Variants in CADPS observed in about 807,000 individuals in gnomAD.
CADPS encodes the protein calcium dependent secretion activator, also known as calcium-dependent secretion activator 1.
Under a neutral mutation model 167.3 loss-of-function variants are expected in CADPS, and 57 were observed. The observed-to-expected ratio is 0.34, with a 90% CI of 0.28 to 0.42. CADPS has a LOEUF of 0.42. Among genes scored for constraint, CADPS ranks in the 20% least tolerant of loss-of-function variants. The pLI is 1.00. For synonymous variants in CADPS, 676 were observed against 635.3 expected (o/e 1.06, Z -0.96); for missense variants, 1,414 against 1,738.1 (o/e 0.81, Z 3.32).
intron 28 of CADPS, among the ~76,000 whole-genome samples, chr3:62,436,860 A>C (rs1400383460): frequency 1.3e-5 from 2 of 151,952 alleles, no homozygotes; most frequent in Non-Finnish European, 2.9e-5. Flanking sequence ...ACGATTGGAA[A>C]AGAAAAGAAA....
At chr3:62,633,720 A>T (rs1191862423) in intron 6 of CADPS, among the ~76,000 whole-genome samples, 2 of 152,026 alleles carry the variant, frequency 1.3e-5, no homozygotes, top group East Asian at 3.9e-4. Flanking sequence ...TCACCACCCT[A>T]CATCTTTGCT....
intron 28 of CADPS, among the ~76,000 whole-genome samples, chr3:62,408,657 A>T (rs550330368): frequency 6.6e-6 from 1 of 152,336 alleles, no homozygotes; most frequent in East Asian, 1.9e-4. Context: ...ACTCTCATTT[A>T]CATGAGTCTT....
chr3:62,712,040 G>C (rs142515132), intron 3 of CADPS, among the ~76,000 whole-genome samples: 6 of 152,144 alleles, frequency 3.9e-5, no homozygotes, highest in African/African-American at 1.4e-4. Context: ...TATTTCAGGA[G>C]ATATATACAC....
At chr3:62,490,891 T>A (rs1164765950) in intron 21 of CADPS, among the ~76,000 whole-genome samples, 1 of 152,188 alleles carries the variant, frequency 6.6e-6, no homozygotes, top group African/African-American at 2.4e-5. Context: ...AGAGTTGAGT[T>A]GTGACAGAGA....
intron 6 of CADPS, among the ~76,000 whole-genome samples, chr3:62,608,889 C>T (rs12492860): frequency 0.26 from 39,287 of 152,030 alleles, 5,372 homozygotes; most frequent in East Asian, 0.53. Context: ...TGTACGCCTC[C>T]TTCCAACAAA....
chr3:62,590,520 T>G (rs554883255), intron 7 of CADPS, among the ~76,000 whole-genome samples: 1 of 152,168 alleles, frequency 6.6e-6, no homozygotes, highest in Non-Finnish European at 1.5e-5. Context: ...AGGGACACTG[T>G]TTTTTTGTTT....
In CADPS at chr3:62,601,549, T is replaced by TG. The variant is rs531657115; in HGVS notation, c.1326-8802dup. On this transcript the variant is annotated intron_variant, in intron 6 of 29. Coordinates refer to ENST00000383710, the MANE Select transcript of CADPS (RefSeq NM_003716.4). This position sits in a 1 kb window ranked among gnomAD's most constrained non-coding sequence, Gnocchi z 4.3. ...GCACTCACAAAGACAGCTGACCCCA[T>TG]GGGGATCCAATTTGCTGCTCTAAAT... is the stretch of plus-strand genomic sequence containing the variant. Among the ~76,000 whole-genome samples the TG allele has an allele frequency of 2.6e-5, 4 of 152,124 alleles. No individual in the cohort carries two copies. The highest frequency in any genetic ancestry group is 5.9e-5 in the Non-Finnish European group (4 of 68,008).
At chr3:62,693,031 T>C (rs78493694) in intron 3 of CADPS, among the ~76,000 whole-genome samples, 6,283 of 79,624 alleles carry the variant, frequency 0.079, 170 homozygotes, top group East Asian at 0.33. Context: ...GTTTACCAAT[T>C]TCTTGGCCAT....
intron 10 of CADPS, among the ~76,000 whole-genome samples, chr3:62,556,510 T>C (rs2078171862): frequency 6.6e-6 from 1 of 152,194 alleles, no homozygotes; most frequent in African/African-American, 2.4e-5. Context: ...AAAAAAGGTT[T>C]TGGGCCAAAT....
intron 29 of CADPS, among the ~76,000 whole-genome samples, chr3:62,401,567 C>T (rs1171248265): frequency 6.6e-6 from 1 of 152,076 alleles, no homozygotes; most frequent in Non-Finnish European, 1.5e-5. Flanking sequence ...GGAAATTTGC[C>T]CTGGAGGAGG....
chr3:62,810,813 C>T (rs890828798), intron 1 of CADPS, among the ~76,000 whole-genome samples: 1 of 152,220 alleles, frequency 6.6e-6, no homozygotes, highest in Non-Finnish European at 1.5e-5. Context: ...AGAAATGCTG[C>T]CCATTAGGGC....
chr3:62,546,473 A>C (rs1313496953), intron 11 of CADPS, among the ~76,000 whole-genome samples: 2 of 152,070 alleles, frequency 1.3e-5, no homozygotes, highest in African/African-American at 4.8e-5. Flanking sequence ...GTAAGGCTTG[A>C]TCTATTTAGT....
intron 1 of CADPS, among the ~76,000 whole-genome samples, chr3:62,773,743 C>T (rs943393137): frequency 6.6e-6 from 1 of 152,016 alleles, no homozygotes; most frequent in Non-Finnish European, 1.5e-5. Flanking sequence ...TCTTGCATAC[C>T]TCTACCACAT....
intron 4 of CADPS, among the ~76,000 whole-genome samples, chr3:62,654,102 A>G (rs2070920444): frequency 6.6e-6 from 1 of 152,186 alleles, no homozygotes; most frequent in Non-Finnish European, 1.5e-5. Context: ...CTTGGACTTG[A>G]TCAGGGACAA....
chr3:62,670,475 C>A (rs1246265671), intron 3 of CADPS, among the ~76,000 whole-genome samples: 1 of 152,140 alleles, frequency 6.6e-6, no homozygotes, highest in Non-Finnish European at 1.5e-5. Context: ...CAAGAGAAGA[C>A]CTTGGGTAGG....
In CADPS at chr3:62,544,089, T is replaced by TAAGACTGTGAATCCAAAGC; in HGVS notation, c.1966+5795_1966+5813dup. Reference sequence around the variant, plus strand: ...TACCAAGGTTAATACCTTGGCATTGTAAGACTGTGAATCCAAAGCATTTGT... The same window carrying TAAGACTGTGAATCCAAAGC: ...TACCAAGGTTAATACCTTGGCATTGTAAGACTGTGAATCCAAAGCAAGACTGTGAATCCAAAGCATTTGT... On this transcript the variant is annotated intron_variant, in intron 11 of 29. Transcript: ENST00000383710. The surrounding 1 kb of genome is among the most constrained non-coding windows in gnomAD (Gnocchi z 4.4). Among the ~76,000 whole-genome samples, 1 of 152,228 alleles carries TAAGACTGTGAATCCAAAGC rather than the reference T, an allele frequency of 6.6e-6. No homozygotes were observed. Among genetic ancestry groups the TAAGACTGTGAATCCAAAGC allele is most frequent in the Middle Eastern group, 3.4e-3 (1 of 294 alleles).
intron 1 of CADPS, among the ~76,000 whole-genome samples, chr3:62,773,119 T>G (rs888338018): frequency 1.3e-5 from 2 of 152,074 alleles, no homozygotes; most frequent in African/African-American, 4.8e-5. Flanking sequence ...TAGGGCAATG[T>G]TTATTTAATT....
In CADPS at chr3:62,874,452, C is replaced by A; in HGVS notation, c.441+137G>T. ...GCGAGCCCGGCCGCTGGGAGGGGGC[C>A]TCGTAGCCCTTTCCCCAGGGCGCGG... On this transcript the variant is annotated intron_variant, in intron 1 of 29. Coordinates refer to ENST00000383710, the MANE Select transcript of CADPS (RefSeq NM_003716.4). This position sits in a 1 kb window ranked among gnomAD's most constrained non-coding sequence, Gnocchi z 7.1. The A allele has an allele frequency of 1.5e-6, 1 of 665,246 alleles. No individual in the cohort carries two copies. 41.2% of individuals were successfully genotyped at this position (665,246 alleles called of 1,614,324 possible). A position where few individuals can be genotyped will look rare whatever the true frequency, so the allele number is the denominator to read the frequency against.
chr3:62,825,462 T>A (rs1171594908), intron 1 of CADPS, among the ~76,000 whole-genome samples: 1 of 151,990 alleles, frequency 6.6e-6, no homozygotes, highest in Non-Finnish European at 1.5e-5. Flanking sequence ...GGCGTGGAGG[T>A]ACAGCAAGCC....
Sources: gnomAD v4.1 joint callset for allele counts (sites outside exome capture counted in the v4.1 genomes callset) on GRCh38, gnomAD v4.1.1 for gene constraint, Gnocchi (gnomAD v3.1) non-coding constraint, MANE v1.5 for transcripts, NCBI Gene and HGNC (gene_info 2026-07-23, HGNC 2026-07-21) for gene names.